PPP4C: variants seen among roughly 807,000 people sequenced by gnomAD.
PPP4C encodes protein phosphatase 4 catalytic subunit, also known as serine/threonine-protein phosphatase 4 catalytic subunit.
In PPP4C, 10 loss-of-function variants were observed where a neutral mutation model predicts 40.5. That is an observed-to-expected ratio of 0.25 (90% confidence interval 0.15 to 0.42). The LOEUF (loss-of-function observed/expected upper bound fraction) is 0.42, where lower values mean the gene tolerates loss of function less well. PPP4C is among the 10% of genes least tolerant of loss of function. PPP4C has a pLI of 1.00. For missense variants in PPP4C, 191 were observed against 416.4 expected (o/e 0.46, Z 4.71); for synonymous variants, 187 against 163.6 (o/e 1.14, Z -1.09).
At position 30,083,206 on chromosome 16, in the gene PPP4C, C is replaced by T; in HGVS notation, c.304-188C>T. The stretch of plus-strand genomic sequence containing the variant: ...GTTCATAGTTGAGGGAATGGGTCAG[C>T]TTTACATTCTCTGGAGGGGTCGTGT... On this transcript the variant is annotated intron_variant, in intron 5 of 8. Transcript: ENST00000279387. The surrounding 1 kb of genome is among the most constrained non-coding windows in gnomAD (Gnocchi z 6.3). The T allele has an allele frequency of 2.9e-6, 2 of 685,558 alleles. No individual in the cohort carries two copies. The highest frequency in any genetic ancestry group is 5.0e-6 in the Non-Finnish European group (2 of 399,430). 42.5% of individuals were successfully genotyped at this position (685,558 alleles called of 1,614,324 possible). A position where few individuals can be genotyped will look rare whatever the true frequency, so the allele number is the denominator to read the frequency against.
chr16:30,077,821 G>T (rs2072430644), intron 2 of PPP4C, among the ~76,000 whole-genome samples: 1 of 152,196 alleles, frequency 6.6e-6, no homozygotes, highest in African/African-American at 2.4e-5. Context: ...CTTAACTGAG[G>T]TCACCCACTG....
Position 30,083,177 on chromosome 16 carries a change from T to A in PPP4C, c.304-217T>A, listed in dbSNP as rs1290280102. The A allele has an allele frequency of 8.1e-6, 5 of 617,536 alleles. No homozygotes were observed. The highest frequency in any genetic ancestry group is 5.9e-5 in the Admixed American group (2 of 33,730). The allele number at this position is 617,536 out of a possible 1,614,324, so 38.3% of individuals were successfully genotyped here. A position where few individuals can be genotyped will look rare whatever the true frequency, so the allele number is the denominator to read the frequency against. On this transcript the variant is annotated intron_variant, in intron 5 of 8. Transcript: ENST00000279387. The surrounding 1 kb of genome is among the most constrained non-coding windows in gnomAD (Gnocchi z 6.3). The stretch of plus-strand genomic sequence containing the variant: ...TGTCTGGTAGGTGAAAGAAGAGCCA[T>A]TAGGTTCATAGTTGAGGGAATGGGT...
Position 30,083,343 on chromosome 16 carries a change from T to C in PPP4C, c.304-51T>C, listed in dbSNP as rs2072546480. 1 of 1,574,678 alleles carries C rather than the reference T, an allele frequency of 6.4e-7. No individual in the cohort carries two copies. Among genetic ancestry groups the C allele is most frequent in the Non-Finnish European group, 8.6e-7 (1 of 1,159,620 alleles). On this transcript the variant is annotated intron_variant, in intron 5 of 8. Coordinates refer to ENST00000279387, the MANE Select transcript of PPP4C (RefSeq NM_002720.3). This position sits in a 1 kb window ranked among gnomAD's most constrained non-coding sequence, Gnocchi z 6.3. The stretch of plus-strand genomic sequence containing the variant: ...CGGGCACGAGGAGGTCAGAGAGGGA[T>C]GTGTGGAGAGACCGTCTAGGCGCCA...
Position 30,084,955 on chromosome 16 carries a change from T to C in PPP4C, c.817T>C (p.Leu273=). The C allele has an allele frequency of 1.2e-6, 2 of 1,614,168 alleles. No individual in the cohort carries two copies. The part of the protein sequence containing the change: ...CYRCGNVAAI[L]ELDEHLQKDF... ...CAGCTGTGGGAATGTGGCAGCCATC[T>C]TGGAGCTGGACGAGCATCTCCAGAA... Residue 273 remains leucine, a synonymous_variant, in exon 9 of 9, where the codon TTG becomes CTG. Coordinates refer to ENST00000279387, the MANE Select transcript of PPP4C (RefSeq NM_002720.3).
chr16:30,078,046 T>A (rs2072436372), intron 2 of PPP4C, among the ~76,000 whole-genome samples: 1 of 152,224 alleles, frequency 6.6e-6, no homozygotes, highest in African/African-American at 2.4e-5. Flanking sequence ...CAGTCCTGAT[T>A]GGCATTTTTA....
At chr16:30,076,274 G>A in intron 1 of PPP4C, 41 bp from the exon 2 acceptor site, 4 of 1,194,990 alleles carry the variant, frequency 3.3e-6, no homozygotes, top group Non-Finnish European at 4.8e-6. Flanking sequence ...TCCGAGCCCC[G>A]GACGGACACT....
At position 30,085,174 on chromosome 16, in the gene PPP4C, C is replaced by A. The variant is rs961964780; in HGVS notation, c.*112C>A. On this transcript the variant is annotated 3_prime_UTR_variant, in exon 9 of 9. Transcript: ENST00000279387. The stretch of plus-strand genomic sequence containing the variant: ...GGGGGGGCTGTCCTGGCTCTGCTGT[C>A]CCCCAAGAGGGTGCTTCGAGGGTGA... 5.5e-5 allele frequency: 77 copies of A among 1,389,192 alleles called. No individual in the cohort carries two copies. Among genetic ancestry groups the A allele is most frequent in the Non-Finnish European group, 7.4e-5 (75 of 1,011,172 alleles). 86.1% of individuals were successfully genotyped at this position (1,389,192 alleles called of 1,614,324 possible). A position where few individuals can be genotyped will look rare whatever the true frequency, so the allele number is the denominator to read the frequency against.
At chr16:30,078,118 G>A (rs775867200) in intron 2 of PPP4C, among the ~76,000 whole-genome samples, 3 of 152,166 alleles carry the variant, frequency 2.0e-5, no homozygotes, top group Non-Finnish European at 2.9e-5. Flanking sequence ...TCTCCCTCAC[G>A]GGCCCTGGAT....
At chr16:30,076,190 G>T (rs977005322) in intron 1 of PPP4C, 96 bp downstream of exon 1, 26 of 603,304 alleles carry the variant, frequency 4.3e-5, no homozygotes, top group Admixed American at 3.3e-4. Context: ...GTTGGACGCC[G>T]GGGGGTCCTG....
chr16:30,076,486 T>TG lies in PPP4C; in HGVS notation c.98+13dup, dbSNP rs1224628663. On this transcript the variant is annotated intron_variant, in intron 2 of 8. Transcript: ENST00000279387. Reference sequence around the variant, plus strand: ...GTGCGCTAAGGCCAGGTGAGCTCGTTGGCCCTGGGGAAGGGAGGCCAAGCC... The same window carrying TG: ...GTGCGCTAAGGCCAGGTGAGCTCGTTGGGCCCTGGGGAAGGGAGGCCAAGCC... 1 of 1,603,242 alleles carries TG rather than the reference T, an allele frequency of 6.2e-7. No homozygotes were observed.
intron 2 of PPP4C, among the ~76,000 whole-genome samples, chr16:30,079,533 C>G (rs1293130237): frequency 6.6e-6 from 1 of 152,114 alleles, no homozygotes; most frequent in Non-Finnish European, 1.5e-5. Flanking sequence ...GAGAACCTCC[C>G]CAGTCTGTTG....
intron 3 of PPP4C, 69 bp downstream of exon 3, chr16:30,081,379 G>A: frequency 7.4e-7 from 1 of 1,358,280 alleles, no homozygotes; most frequent in South Asian, 1.2e-5. Flanking sequence ...TCTTCATCTT[G>A]GGGGCTCTAT....
In PPP4C at chr16:30,076,319, C is replaced by A; in HGVS notation, c.-59C>A. On this transcript the variant is annotated 5_prime_UTR_variant, in exon 2 of 9. Coordinates refer to ENST00000279387, the MANE Select transcript of PPP4C (RefSeq NM_002720.3). Reference sequence around the variant, plus strand: ...GCTCGTCTTGGCCTTTCCCAGGAGACCCCTGTGCGGTGCGGAGGGGGCGGC... The same window carrying A: ...GCTCGTCTTGGCCTTTCCCAGGAGAACCCTGTGCGGTGCGGAGGGGGCGGC... 3 of 1,559,126 alleles carry A rather than the reference C, an allele frequency of 1.9e-6. No homozygotes were observed. The highest frequency in any genetic ancestry group is 1.7e-5 in the Admixed American group (1 of 57,954).
At chr16:30,080,234 A>G (rs2072477792) in intron 2 of PPP4C, among the ~76,000 whole-genome samples, 1 of 150,570 alleles carries the variant, frequency 6.6e-6, no homozygotes, top group Non-Finnish European at 1.5e-5. Context: ...AATCCCAGCT[A>G]CTCGGGAGGT....
chr16:30,083,812 A>C lies in PPP4C; in HGVS notation c.604+31A>C. 1 of 1,611,830 alleles carries C rather than the reference A, an allele frequency of 6.2e-7. No homozygotes were observed. On this transcript the variant is annotated intron_variant, in intron 7 of 8. Transcript: ENST00000279387. This position sits in a 1 kb window ranked among gnomAD's most constrained non-coding sequence, Gnocchi z 6.3. ...GGCATGTGGGCAGGGGCAGGCAGGGACAGCCAGGAGGGGTTGGGAAAGAGA... is the reference window on the plus strand; with the variant it reads ...GGCATGTGGGCAGGGGCAGGCAGGGCCAGCCAGGAGGGGTTGGGAAAGAGA...
Position 30,083,943 on chromosome 16 carries a change from G to C in PPP4C, c.604+162G>C, listed in dbSNP as rs543776031. 2.7e-5 allele frequency: 30 copies of C among 1,102,890 alleles called. No homozygotes were observed. The highest frequency in any genetic ancestry group is 3.7e-5 in the Non-Finnish European group (29 of 779,488). The allele number at this position is 1,102,890 out of a possible 1,614,324, so 68.3% of individuals were successfully genotyped here. A position where few individuals can be genotyped will look rare whatever the true frequency, so the allele number is the denominator to read the frequency against. On this transcript the variant is annotated intron_variant, in intron 7 of 8. Transcript: ENST00000279387. This position sits in a 1 kb window ranked among gnomAD's most constrained non-coding sequence, Gnocchi z 6.3. ...GCATGGCAGGTGCTTTGAGCACACA[G>C]TGGCTTGGGGCATGGCCCAGAGGGC...
intron 3 of PPP4C, among the ~76,000 whole-genome samples, chr16:30,081,842 CAG>C (rs1282353302): frequency 1.3e-5 from 2 of 151,838 alleles, no homozygotes; most frequent in Non-Finnish European, 1.5e-5. Context: ...ATCATGAGGT[CAG>C]GAGATCGAGA....
intron 2 of PPP4C, among the ~76,000 whole-genome samples, chr16:30,078,841 A>C (rs919462989): frequency 4.6e-5 from 7 of 152,212 alleles, no homozygotes; most frequent in African/African-American, 1.7e-4. Context: ...AGTGATAATG[A>C]CATGCAGTTG....
chr16:30,082,305 T>C (rs903587872), intron 3 of PPP4C, among the ~76,000 whole-genome samples, 179 bp from the exon 4 acceptor site: 20 of 152,170 alleles, frequency 1.3e-4, no homozygotes, highest in Non-Finnish European at 1.6e-4. Context: ...GTACTCAGCA[T>C]AGGACAGTGG....
Sources: allele counts gnomAD v4.1 joint callset (sites outside exome capture counted in the v4.1 genomes callset), GRCh38; gene constraint gnomAD v4.1.1; non-coding constraint Gnocchi (gnomAD v3.1); transcripts MANE v1.5; gene names NCBI Gene and HGNC (gene_info 2026-07-23, HGNC 2026-07-21).